Variants in CEP112 observed in about 807,000 individuals in gnomAD.
CEP112 encodes centrosomal protein of 112 kDa.
In CEP112, 127 loss-of-function variants were observed where a neutral mutation model predicts 153.0. The ratio of observed to expected loss-of-function variants is 0.83; its 90% CI spans 0.72 to 0.96. The LOEUF is 0.96. Among genes scored for constraint, CEP112 ranks in the 40% least tolerant of loss-of-function variants. The pLI is 0.00. For synonymous variants in CEP112, 358 were observed against 374.4 expected (o/e 0.96, Z 0.51); for missense variants, 1,089 against 1,101.2 (o/e 0.99, Z 0.16).
At chr17:66,114,156 A>G (rs1362704667) in intron 6 of CEP112, among the ~76,000 whole-genome samples, 2 of 152,246 alleles carry the variant, frequency 1.3e-5, no homozygotes, top group Non-Finnish European at 2.9e-5. Flanking sequence ...ATGTTTGCAC[A>G]TTTCTTGCTT....
At chr17:66,159,278 G>A (rs12938299) in intron 4 of CEP112, among the ~76,000 whole-genome samples, 11,964 of 152,178 alleles carry the variant, frequency 0.079, 620 homozygotes, top group South Asian at 0.19. Context: ...GGTGCAAAGA[G>A]GAGCTGTTAC....
chr17:65,989,159 C>T (rs2063503744), intron 17 of CEP112, among the ~76,000 whole-genome samples: 1 of 149,302 alleles, frequency 6.7e-6, no homozygotes, highest in Admixed American at 6.7e-5. Flanking sequence ...GGCATGAACC[C>T]AGGAGTCAGA....
chr17:66,053,893 T>C lies in CEP112; in HGVS notation c.1075-14A>G, dbSNP rs1463963004. 1 of 1,603,896 alleles carries C rather than the reference T, an allele frequency of 6.2e-7. No individual in the cohort carries two copies. Among genetic ancestry groups the C allele is most frequent in the Non-Finnish European group, 8.5e-7 (1 of 1,174,512 alleles). On this transcript the variant is annotated splice_polypyrimidine_tract_variant and intron_variant, in intron 11 of 26. Coordinates refer to ENST00000535342, the MANE Select transcript of CEP112 (RefSeq NM_001199165.4). Reference sequence around the variant, plus strand: ...AGCATTGTGAAGCTACATCAGGAAATCAAGAGTTGACTCTTTTACTACTAT... The same window carrying C: ...AGCATTGTGAAGCTACATCAGGAAACCAAGAGTTGACTCTTTTACTACTAT...
rs199857712 is a variant in CEP112 at position 66,062,957 on chromosome 17, G to A, written c.1074+6C>T. On this transcript the variant is annotated splice_donor_region_variant and intron_variant, in intron 11 of 26. Transcript: ENST00000535342. ...ATGTTTTCCATTAGTATTTTATGTA[G>A]CTTACCTTTTTTTCCCAGTCATTAT... 9.1e-5 allele frequency: 132 copies of A among 1,442,896 alleles called. No individual in the cohort carries two copies. The highest frequency in any genetic ancestry group is 7.7e-5 in the Non-Finnish European group (81 of 1,045,874). The allele number at this position is 1,442,896 out of a possible 1,614,324, so 89.4% of individuals were successfully genotyped here. A position where few individuals can be genotyped will look rare whatever the true frequency, so the allele number is the denominator to read the frequency against.
intron 21 of CEP112, among the ~76,000 whole-genome samples, chr17:65,776,915 TAAG>T (rs1261900218): frequency 6.6e-6 from 1 of 152,242 alleles, no homozygotes; most frequent in African/African-American, 2.4e-5. Context: ...GCCAATGTAA[TAAG>T]AATAGTTTCT....
At chr17:65,651,350 G>T (rs1361525354) in intron 24 of CEP112, among the ~76,000 whole-genome samples, 7 of 152,112 alleles carry the variant, frequency 4.6e-5, no homozygotes, top group Admixed American at 3.9e-4. Context: ...TGGACATCTG[G>T]GTTGGTTCCA....
chr17:65,689,048 G>A, intron 24 of CEP112, 81 bp downstream of exon 24: 1 of 995,424 alleles, frequency 1.0e-6, no homozygotes. Context: ...GATTACAGGT[G>A]TGAGCCACTG....
chr17:65,965,518 C>CCTTTTT lies in CEP112; in HGVS notation c.1737-3921_1737-3920insAAAAAG, dbSNP rs1555734627. Among the ~76,000 whole-genome samples the CCTTTTT allele has an allele frequency of 2.5e-5, 3 of 122,088 alleles. 1 individual carries two copies. The highest frequency in any genetic ancestry group is 9.9e-5 in the African/African-American group (3 of 30,342). 80.1% of individuals were successfully genotyped at this position (122,088 alleles called of 152,430 possible). On this transcript the variant is annotated intron_variant, in intron 17 of 26. Coordinates refer to ENST00000535342, the MANE Select transcript of CEP112 (RefSeq NM_001199165.4). ...CTAATATTTAGAAACCTTCTGCCCCCTTTTTTTTTTTTTTTTTTCTTTGAG... is the reference window on the plus strand; with the variant it reads ...CTAATATTTAGAAACCTTCTGCCCCCCTTTTTTTTTTTTTTTTTTTTTTTCTTTGAG...
intron 24 of CEP112, among the ~76,000 whole-genome samples, chr17:65,672,952 C>T (rs996241284): frequency 6.6e-6 from 1 of 152,144 alleles, no homozygotes; most frequent in Non-Finnish European, 1.5e-5. Flanking sequence ...AGTTTTTTAT[C>T]ATTGCTGTAA....
At chr17:65,808,504 T>G (rs142879157) in intron 21 of CEP112, among the ~76,000 whole-genome samples, 2 of 152,214 alleles carry the variant, frequency 1.3e-5, no homozygotes, top group Non-Finnish European at 2.9e-5. Context: ...CCAACCAAAT[T>G]TCATCTTGAA....
intron 18 of CEP112, among the ~76,000 whole-genome samples, chr17:65,940,240 T>A (rs2061466476): frequency 6.6e-6 from 1 of 152,182 alleles, no homozygotes; most frequent in African/African-American, 2.4e-5. Context: ...AGTGAACAAG[T>A]GCTGCTGAGG....
At chr17:66,035,109 G>C (rs2065677397) in intron 12 of CEP112, among the ~76,000 whole-genome samples, 1 of 150,364 alleles carries the variant, frequency 6.7e-6, no homozygotes. Flanking sequence ...CAAAGTGCTA[G>C]GATTACAAGC....
chr17:65,832,735 C>T (rs1217228774), intron 21 of CEP112, among the ~76,000 whole-genome samples: 1 of 151,184 alleles, frequency 6.6e-6, no homozygotes, highest in Non-Finnish European at 1.5e-5. Flanking sequence ...AAAAAAACTC[C>T]AGGGCCTGAT....
At chr17:66,072,752 A>G (rs1475025511) in intron 8 of CEP112, among the ~76,000 whole-genome samples, 1 of 152,144 alleles carries the variant, frequency 6.6e-6, no homozygotes, top group African/African-American at 2.4e-5. Flanking sequence ...AAAAGTTAAG[A>G]GTATCTCATC....
At chr17:65,860,898 T>G (rs567980406) in intron 20 of CEP112, among the ~76,000 whole-genome samples, 2 of 152,228 alleles carry the variant, frequency 1.3e-5, no homozygotes, top group East Asian at 3.9e-4. Context: ...ATACAGTATA[T>G]CCACACAGTG....
chr17:66,163,196 C>A (rs1303037907), intron 4 of CEP112, among the ~76,000 whole-genome samples: 1 of 152,094 alleles, frequency 6.6e-6, no homozygotes, highest in Admixed American at 6.6e-5. Flanking sequence ...AAATGCTTAT[C>A]TTCTAGTGGC....
intron 20 of CEP112, among the ~76,000 whole-genome samples, chr17:65,886,968 G>T (rs905101556): frequency 2.0e-5 from 3 of 152,096 alleles, no homozygotes; most frequent in African/African-American, 7.2e-5. Context: ...TTGGGGGAGG[G>T]ACTTAGAGTA....
At chr17:65,985,002 A>G (rs1201734352) in intron 17 of CEP112, among the ~76,000 whole-genome samples, 1 of 152,170 alleles carries the variant, frequency 6.6e-6, no homozygotes. Flanking sequence ...CTAGGAGGAG[A>G]AGTTTTGGTA....
At chr17:65,999,454 G>A (rs11653033) in intron 17 of CEP112, among the ~76,000 whole-genome samples, 1 of 151,852 alleles carries the variant, frequency 6.6e-6, no homozygotes, top group Admixed American at 6.6e-5. Flanking sequence ...GCCCACCTCG[G>A]CCTCCCAAAG....
Sources: gnomAD v4.1 joint callset for allele counts (sites outside exome capture counted in the v4.1 genomes callset) on GRCh38, gnomAD v4.1.1 for gene constraint, MANE v1.5 for transcripts, NCBI Gene and HGNC (gene_info 2026-07-23, HGNC 2026-07-21) for gene names.